Variants in PDE1C observed in about 807,000 individuals in gnomAD.
PDE1C encodes the protein dual specificity calcium/calmodulin-dependent 3',5'-cyclic nucleotide phosphodiesterase 1C.
PDE1C carries 62 observed loss-of-function variants against 93.1 expected under a neutral mutation model. The ratio of observed to expected loss-of-function variants is 0.67; its 90% CI spans 0.54 to 0.82. The LOEUF is 0.82. Ranked by LOEUF, PDE1C falls within the 40% of genes least tolerant of loss-of-function variation. The pLI is 0.00. For synonymous variants in PDE1C, 325 were observed against 310.1 expected, an observed-to-expected ratio of 1.05 and a Z score of -0.50; for missense variants, 742 against 884.6, an observed-to-expected ratio of 0.84 and a Z score of 2.04.
At chr7:31,959,004 A>G (rs956669600) in intron 2 of PDE1C, among the ~76,000 whole-genome samples, 62 of 152,224 alleles carry the variant, frequency 4.1e-4, no homozygotes, top group African/African-American at 1.4e-3. Context: ...CAGTACAAAA[A>G]TCTCAGGAGT....
intron 2 of PDE1C, among the ~76,000 whole-genome samples, chr7:31,976,947 AC>A (rs1238956361): frequency 6.6e-6 from 1 of 152,110 alleles, no homozygotes; most frequent in African/African-American, 2.4e-5. Flanking sequence ...ATTACCTAGG[AC>A]CTTTTTAGAA....
the PDE1C span, among the ~76,000 whole-genome samples, chr7:31,691,246 C>G: frequency 6.6e-6 from 1 of 152,210 alleles, no homozygotes; most frequent in Non-Finnish European, 1.5e-5. Context: ...ACCCTCCCAC[C>G]TTTTCAGAGA....
chr7:31,885,947 T>C (rs1050550368), intron 2 of PDE1C, among the ~76,000 whole-genome samples: 4 of 152,206 alleles, frequency 2.6e-5, no homozygotes, highest in African/African-American at 9.6e-5. Context: ...AAAGAAGCTA[T>C]GGAAACATAC....
intron 1 of PDE1C, among the ~76,000 whole-genome samples, chr7:32,253,179 G>A (rs1156975822): frequency 6.6e-6 from 1 of 152,130 alleles, no homozygotes; most frequent in Non-Finnish European, 1.5e-5. Context: ...CTATGAAGTA[G>A]GCATCAACAT....
intron 2 of PDE1C, among the ~76,000 whole-genome samples, chr7:32,033,852 G>A (rs1426752510): frequency 2.6e-5 from 4 of 151,994 alleles, no homozygotes; most frequent in Non-Finnish European, 5.9e-5. Flanking sequence ...GATTAGACCT[G>A]GACATTTAAA....
chr7:32,244,572 G>A (rs12538475), intron 1 of PDE1C, among the ~76,000 whole-genome samples: 15,952 of 152,086 alleles, frequency 0.1, 896 homozygotes, highest in East Asian at 0.13. Context: ...TCTTGGGCAC[G>A]GCTTTCCAAT....
upstream of PDE1C, chr7:32,071,082 G>A (rs978655821): frequency 1.4e-5 from 14 of 985,384 alleles, no homozygotes; most frequent in East Asian, 1.1e-3. Context: ...AGGGAGGGGC[G>A]CGCGGGCACC....
intron 1 of PDE1C, among the ~76,000 whole-genome samples, chr7:32,220,567 G>C (rs935109188): frequency 6.6e-6 from 1 of 152,118 alleles, no homozygotes; most frequent in African/African-American, 2.4e-5. Context: ...TGTGATCCCA[G>C]CACTTTGGGA....
intron 2 of PDE1C, among the ~76,000 whole-genome samples, chr7:32,034,050 GAGAC>G (rs1024975642): frequency 2.2e-4 from 25 of 111,404 alleles, no homozygotes; most frequent in African/African-American, 3.4e-5. Context: ...AGTAAGATGA[GAGAC>G]TGTGTGTGTG....
chr7:31,815,749 G>A (rs1044529218), intron 15 of PDE1C, among the ~76,000 whole-genome samples, 175 bp downstream of exon 15: 2 of 152,110 alleles, frequency 1.3e-5, no homozygotes, highest in African/African-American at 4.8e-5. Flanking sequence ...CAGGTGAGCT[G>A]GTAGCTGCTT....
chr7:31,620,197 A>C, the PDE1C span, among the ~76,000 whole-genome samples: 1 of 152,262 alleles, frequency 6.6e-6, no homozygotes, highest in African/African-American at 2.4e-5. Context: ...ACAAACAAAA[A>C]GACAGCAGTA....
At chr7:32,417,261 C>A (rs1398762973) in intron 1 of PDE1C, among the ~76,000 whole-genome samples, 1 of 150,306 alleles carries the variant, frequency 6.7e-6, no homozygotes, top group Non-Finnish European at 1.5e-5. Flanking sequence ...TAACTGATTT[C>A]TTTTAGAAAG....
At chr7:32,027,931 G>A (rs1789709433) in intron 2 of PDE1C, among the ~76,000 whole-genome samples, 2 of 151,834 alleles carry the variant, frequency 1.3e-5, no homozygotes. Flanking sequence ...AGTCTTCTTG[G>A]GATTCAGACT....
At chr7:31,713,353 G>A in the PDE1C span, among the ~76,000 whole-genome samples, 1 of 152,258 alleles carries the variant, frequency 6.6e-6, no homozygotes, top group African/African-American at 2.4e-5. Flanking sequence ...AGGTCACGCT[G>A]ATGCAAGAGG....
At chr7:32,315,448 A>G (rs1783148085) in intron 1 of PDE1C, among the ~76,000 whole-genome samples, 1 of 152,176 alleles carries the variant, frequency 6.6e-6, no homozygotes, top group Non-Finnish European at 1.5e-5. Context: ...AACAGTGATT[A>G]TATTCCAGTG....
chr7:31,817,076 G>C (rs1017039935), intron 14 of PDE1C, among the ~76,000 whole-genome samples: 1 of 152,112 alleles, frequency 6.6e-6, no homozygotes, highest in Non-Finnish European at 1.5e-5. Flanking sequence ...ATAAAGAGGA[G>C]ATCATAATTA....
At chr7:31,697,696 T>C in the PDE1C span, among the ~76,000 whole-genome samples, 2 of 152,182 alleles carry the variant, frequency 1.3e-5, no homozygotes, top group Non-Finnish European at 2.9e-5. Flanking sequence ...AGTATGACTC[T>C]GTGTGTATGT....
intron 15 of PDE1C, among the ~76,000 whole-genome samples, chr7:31,811,977 G>T (rs1040457046): frequency 6.6e-6 from 1 of 152,136 alleles, no homozygotes; most frequent in Non-Finnish European, 1.5e-5. Context: ...TGATGATGTT[G>T]CCTGAGCAAA....
In PDE1C at chr7:32,063,033, G is replaced by A. The variant is rs375302152; in HGVS notation, c.101+7260C>T. Among the ~76,000 whole-genome samples the A allele has an allele frequency of 1.3e-4, 20 of 152,262 alleles. No homozygotes were observed. In the South Asian group the frequency reaches 3.7e-3, roughly 28 times the overall value. ...TTTTGTTTAATAACAGCTGTCAAGA[G>A]GACTCTGTATAAACAGTACAATAAA... On this transcript the variant is annotated intron_variant, in intron 1 of 17. Coordinates refer to ENST00000396191, the MANE Select transcript of PDE1C (RefSeq NM_001191057.4).
Sources: allele counts gnomAD v4.1 joint callset (sites outside exome capture counted in the v4.1 genomes callset), GRCh38; gene constraint gnomAD v4.1.1; transcripts MANE v1.5; gene names NCBI Gene and HGNC (gene_info 2026-07-23, HGNC 2026-07-21).